Variants in AATF observed in about 807,000 individuals in gnomAD.
AATF encodes apoptosis antagonizing transcription factor.
In AATF, 48 loss-of-function variants were observed where a neutral mutation model predicts 63.7. The ratio of observed to expected loss-of-function variants is 0.75; its 90% CI spans 0.60 to 0.96. The LOEUF (loss-of-function observed/expected upper bound fraction) is 0.96. AATF is among the 40% of genes least tolerant of loss of function. The pLI is 0.00. For synonymous variants in AATF, 258 were observed against 247.7 expected, an observed-to-expected ratio of 1.04 and a Z score of -0.39; for missense variants, 639 against 685.7, an observed-to-expected ratio of 0.93 and a Z score of 0.76.
At chr17:36,958,628 A>G (rs1485345089) in intron 4 of AATF, among the ~76,000 whole-genome samples, 6 of 152,342 alleles carry the variant, frequency 3.9e-5, no homozygotes. Flanking sequence ...GAGAAATAGC[A>G]CAGTGAACCC....
intron 4 of AATF, among the ~76,000 whole-genome samples, chr17:36,955,379 G>T (rs1019562367): frequency 6.6e-6 from 1 of 152,170 alleles, no homozygotes; most frequent in African/African-American, 2.4e-5. Context: ...TTCCCCTGTG[G>T]GAAGTCTGGG....
chr17:36,972,511 T>C (rs1482222818), intron 4 of AATF, among the ~76,000 whole-genome samples: 1 of 152,212 alleles, frequency 6.6e-6, no homozygotes, highest in African/African-American at 2.4e-5. Context: ...TTAATTAGGC[T>C]GCACTGCAGG....
chr17:36,981,639 T>A (rs2050463906), intron 4 of AATF, among the ~76,000 whole-genome samples: 1 of 151,302 alleles, frequency 6.6e-6, no homozygotes, highest in Non-Finnish European at 1.5e-5. Flanking sequence ...TCTTTCTTTT[T>A]TCTTCTTCTT....
intron 9 of AATF, among the ~76,000 whole-genome samples, chr17:37,020,354 G>T (rs922885684): frequency 6.6e-6 from 1 of 151,734 alleles, no homozygotes; most frequent in Non-Finnish European, 1.5e-5. Context: ...AGTCCTTATC[G>T]CTTCTCTTGT....
intron 4 of AATF, among the ~76,000 whole-genome samples, chr17:36,955,683 T>TA (rs1420812114): frequency 3.3e-5 from 5 of 152,192 alleles, no homozygotes; most frequent in Admixed American, 2.0e-4. Context: ...TTTTTCATTT[T>TA]AAAAAATTCA....
At position 36,988,572 on chromosome 17, in the gene AATF, G is replaced by C. The variant is rs369773296; in HGVS notation, c.1001G>C (p.Arg334Pro). Reference sequence around the variant, plus strand: ...CTGGTAGAAGAGAAGAAGCAGCAACGAAGAAGGGTCCCTGCAAAGAGGAAG... The same window carrying C: ...CTGGTAGAAGAGAAGAAGCAGCAACCAAGAAGGGTCCCTGCAAAGAGGAAG... ...DELVEEKKQQ[R>P]RRVPAKRKLE... is the part of the protein sequence containing the mutation. Residue 334 changes from arginine (R) to proline (P), a missense_variant, in exon 6 of 12, where the codon CGA (arginine) becomes CCA (proline). Physicochemically the swap from Arg to Pro is moderately radical, Grantham distance 103. Transcript: ENST00000619387. 6.2e-7 allele frequency: 1 copy of C among 1,614,034 alleles called. No homozygotes were observed. Among genetic ancestry groups the C allele is most frequent in the East Asian group, 2.2e-5 (1 of 44,902 alleles).
chr17:37,041,450 T>G (rs1015714247), intron 11 of AATF, among the ~76,000 whole-genome samples: 1 of 152,230 alleles, frequency 6.6e-6, no homozygotes, highest in Non-Finnish European at 1.5e-5. Flanking sequence ...CATGACTCTT[T>G]TCTTTCCAGC....
At chr17:37,029,549 G>GT (rs1384649438) in intron 10 of AATF, among the ~76,000 whole-genome samples, 1 of 149,434 alleles carries the variant, frequency 6.7e-6, no homozygotes, top group African/African-American at 2.5e-5. Context: ...CACCCAGCCA[G>GT]TTTTTTTACT....
At chr17:37,005,416 G>T (rs1252045782) in intron 8 of AATF, among the ~76,000 whole-genome samples, 1 of 152,144 alleles carries the variant, frequency 6.6e-6, no homozygotes, top group Non-Finnish European at 1.5e-5. Flanking sequence ...ATTGATTCTG[G>T]TGGGGCTGAA....
At chr17:36,982,066 CT>C (rs2071129581) in intron 4 of AATF, among the ~76,000 whole-genome samples, 1 of 152,114 alleles carries the variant, frequency 6.6e-6, no homozygotes, top group Admixed American at 6.5e-5. Context: ...ATTTTGACTA[CT>C]GTAGGTACTT....
Position 36,953,677 on chromosome 17 carries a change from A to C in AATF, c.695-93A>C. ...ACTGCTAAAGCTGTGGTGCTTAGAG[A>C]CTGGTGTGGTTTCCTGTTCTTCCCC... On this transcript the variant is annotated intron_variant, in intron 3 of 11. Transcript: ENST00000619387. 4 of 1,184,314 alleles carry C rather than the reference A, an allele frequency of 3.4e-6. No individual in the cohort carries two copies. The South Asian group carries it at 5.8e-5, about 17-fold the overall frequency. The allele number at this position is 1,184,314 out of a possible 1,614,324, so 73.4% of individuals were successfully genotyped here.
intron 4 of AATF, among the ~76,000 whole-genome samples, chr17:36,985,430 A>G (rs1292305325): frequency 7.0e-6 from 1 of 143,190 alleles, no homozygotes; most frequent in Non-Finnish European, 1.5e-5. Flanking sequence ...ACGCACCACC[A>G]TGCCTGGCTA....
At chr17:36,962,798 A>G (rs2070958409) in intron 4 of AATF, among the ~76,000 whole-genome samples, 1 of 152,138 alleles carries the variant, frequency 6.6e-6, no homozygotes, top group Admixed American at 6.6e-5. Context: ...TAATTAACTC[A>G]AACGTAACTA....
intron 4 of AATF, among the ~76,000 whole-genome samples, chr17:36,981,600 C>T (rs187172814): frequency 4.0e-5 from 6 of 151,866 alleles, no homozygotes; most frequent in Admixed American, 2.0e-4. Context: ...TGTGCCACCA[C>T]GCCTGGCTGA....
intron 6 of AATF, among the ~76,000 whole-genome samples, 161 bp from the exon 7 acceptor site, chr17:36,989,086 G>A (rs1473538343): frequency 2.0e-5 from 3 of 151,256 alleles, no homozygotes; most frequent in Admixed American, 2.0e-4. Context: ...TTTTTTTTAA[G>A]AACAATTATA....
Position 37,037,623 on chromosome 17 carries a change from C to T in AATF, c.1619+5938C>T, listed in dbSNP as rs139128480. ...TGATGTGACCATTAAACATGCTATG[C>T]GTATATCAGAATATCACATGCCCCC... On this transcript the variant is annotated intron_variant, in intron 11 of 11. Coordinates refer to ENST00000619387, the MANE Select transcript of AATF (RefSeq NM_012138.4). 2.0e-4 allele frequency among the ~76,000 whole-genome samples: 30 copies of T among 152,282 alleles called. No homozygotes were observed. The East Asian group carries it at 3.1e-3, about 16-fold the overall frequency.
Position 36,990,804 on chromosome 17 carries a change from C to T in AATF, c.1345C>T (p.His449Tyr), listed in dbSNP as rs1350640567. The change falls in exon 8 of 12, where the codon CAT becomes TAT. Residue 449 changes from histidine to tyrosine, a missense_variant. By Grantham distance (83) the His-to-Tyr change is moderately conservative. Coordinates refer to ENST00000619387, the MANE Select transcript of AATF (RefSeq NM_012138.4). ...CCTTCCTCAAGCCCCTGCTAATGCTCATCTGAAGGACTTGGATGAAGAAAT... is the reference window on the plus strand; with the variant it reads ...CCTTCCTCAAGCCCCTGCTAATGCTTATCTGAAGGACTTGGATGAAGAAAT... ...EILPQAPANA[H>Y]LKDLDEEIFD... The T allele has an allele frequency of 1.3e-6, 2 of 1,593,972 alleles. No homozygotes were observed. Among genetic ancestry groups the T allele is most frequent in the Non-Finnish European group, 1.7e-6 (2 of 1,173,142 alleles).
chr17:36,975,997 A>C (rs977656870), intron 4 of AATF, among the ~76,000 whole-genome samples: 8 of 152,138 alleles, frequency 5.3e-5, no homozygotes, highest in African/African-American at 1.9e-4. Context: ...GCCTTACTGG[A>C]CCTGCTTTCC....
chr17:37,002,775 T>A (rs2071310820), intron 8 of AATF, among the ~76,000 whole-genome samples: 1 of 151,714 alleles, frequency 6.6e-6, no homozygotes, highest in African/African-American at 2.4e-5. Flanking sequence ...CTGAAAGAAA[T>A]TAAAGACCTA....
Sources: gnomAD v4.1 joint callset for allele counts (sites outside exome capture counted in the v4.1 genomes callset) on GRCh38, gnomAD v4.1.1 for gene constraint, MANE v1.5 for transcripts, NCBI Gene and HGNC (gene_info 2026-07-23, HGNC 2026-07-21) for gene names.